Variants in ZNF821 observed in about 807,000 individuals in gnomAD.
The protein encoded by ZNF821 is zinc finger protein 821.
A neutral mutation model predicts 44.3 loss-of-function variants in ZNF821; 16 were observed. That is an observed-to-expected ratio of 0.36 (90% CI 0.24 to 0.55). ZNF821 has a LOEUF of 0.55. Ranked by LOEUF, ZNF821 falls within the 20% of genes least tolerant of loss-of-function variation. ZNF821 has a pLI of 0.86. For synonymous variants in ZNF821, 204 were observed against 197.6 expected (o/e 1.03, Z -0.27); for missense variants, 436 against 547.6 (o/e 0.80, Z 2.03).
At chr16:71,862,823 G>A (rs943368411) in intron 6 of ZNF821, among the ~76,000 whole-genome samples, 1 of 152,052 alleles carries the variant, frequency 6.6e-6, no homozygotes, top group Non-Finnish European at 1.5e-5. Flanking sequence ...ATTGGATCAT[G>A]GTAAAAAGAA....
intron 3 of ZNF821, among the ~76,000 whole-genome samples, chr16:71,874,538 T>C (rs3794691): frequency 0.14 from 20,884 of 151,880 alleles, 1,760 homozygotes; most frequent in South Asian, 0.38. Context: ...ACTGCAACCT[T>C]TGCCTCCTGG....
intron 1 of ZNF821, among the ~76,000 whole-genome samples, chr16:71,892,303 G>A (rs1247559632): frequency 6.8e-6 from 1 of 146,324 alleles, no homozygotes; most frequent in East Asian, 2.1e-4. Context: ...GTCTCCCTCT[G>A]TCACCCAGGC....
In ZNF821 at chr16:71,860,449, G is replaced by A. The variant is rs1567398952; in HGVS notation, c.808C>T (p.Arg270Trp). 6 of 1,613,836 alleles carry A rather than the reference G, an allele frequency of 3.7e-6. No homozygotes were observed. The highest frequency in any genetic ancestry group is 5.1e-6 in the Non-Finnish European group (6 of 1,180,048). Residue 270 changes from arginine (R) to tryptophan (W), a missense_variant, in exon 8 of 8, where the codon CGG becomes TGG. Arg to Trp is a moderately radical substitution (Grantham distance 101). Coordinates refer to ENST00000425432, the MANE Select transcript of ZNF821 (RefSeq NM_001201552.2). The surrounding 1 kb of genome is among the most constrained non-coding windows in gnomAD (Gnocchi z 7.3). The part of the protein sequence containing the change: ...LRRQNEPLEV[R>W]LQRLERERTA... ...CGCTCTCGTTCCAGCCGCTGCAGCC[G>A]TACTTCCAAAGGCTCATTCTGTCGA... is the stretch of plus-strand genomic sequence containing the variant.
At position 71,895,091 on chromosome 16, in the gene ZNF821, G is replaced by C. The variant is rs955875829; in HGVS notation, n.246C>G. On this transcript the variant is annotated non_coding_transcript_exon_variant, in exon 1 of 3. Coordinates refer to the ZNF821 transcript ENST00000561700. ...CGCAGGCTTCGAAACCCCCTCGGCC[G>C]CTCCACCCAGGGGGAAAGTCCAGCG... The C allele has an allele frequency of 7.0e-5, 27 of 386,892 alleles. No homozygotes were observed. The Admixed American group carries it at 1.1e-3, about 16-fold the overall frequency. The allele number at this position is 386,892 out of a possible 1,614,324, so 24.0% of individuals were successfully genotyped here.
intron 3 of ZNF821, among the ~76,000 whole-genome samples, chr16:71,878,686 T>C (rs903747117): frequency 6.6e-6 from 1 of 152,010 alleles, no homozygotes; most frequent in Non-Finnish European, 1.5e-5. Flanking sequence ...TCCCAGCACT[T>C]TGGGAGCCCG....
At chr16:71,894,462 T>C (rs2036925177) in intron 1 of ZNF821, 1 of 181,456 alleles carries the variant, frequency 5.5e-6, no homozygotes, top group Admixed American at 6.1e-5. Flanking sequence ...GCCAGGCTGG[T>C]CTCGAATTAC....
chr16:71,868,086 C>G (rs1416160896), intron 3 of ZNF821, 49 bp from the exon 4 acceptor site: 7 of 1,516,732 alleles, frequency 4.6e-6, no homozygotes, highest in Non-Finnish European at 5.3e-6. Context: ...GGCAGCATAT[C>G]CCCAGGCAAG....
chr16:71,873,858 G>A (rs2035498286), intron 3 of ZNF821, among the ~76,000 whole-genome samples: 1 of 151,636 alleles, frequency 6.6e-6, no homozygotes, highest in Non-Finnish European at 1.5e-5. Flanking sequence ...CCACTATGTT[G>A]CCCAAGCTGG....
chr16:71,895,091 G>A (rs955875829), exon 1 of ZNF821: 2 of 387,004 alleles, frequency 5.2e-6, no homozygotes, highest in Non-Finnish European at 4.8e-6. Flanking sequence ...CCCCTCGGCC[G>A]CTCCACCCAG....
intron 4 of ZNF821, 40 bp from the exon 5 acceptor site, chr16:71,865,088 T>A: frequency 6.2e-7 from 1 of 1,613,728 alleles, no homozygotes; most frequent in Non-Finnish European, 8.5e-7. Flanking sequence ...GATTTTTGCA[T>A]GAATACATCC....
intron 3 of ZNF821, among the ~76,000 whole-genome samples, chr16:71,869,375 T>C (rs1250457033): frequency 6.6e-6 from 1 of 152,188 alleles, no homozygotes; most frequent in Non-Finnish European, 1.5e-5. Context: ...AAAGACTTGA[T>C]GTGGAGTAGG....
upstream of ZNF821, among the ~76,000 whole-genome samples, chr16:71,888,391 GT>G (rs574899188): frequency 1.6e-4 from 25 of 151,808 alleles, no homozygotes; most frequent in African/African-American, 6.0e-4. Context: ...TCTCTTAGGA[GT>G]TTTTTAGCTC....
intron 2 of ZNF821, chr16:71,881,535 T>G (rs2036423173): frequency 6.6e-6 from 1 of 152,256 alleles, no homozygotes; most frequent in African/African-American, 2.4e-5. Flanking sequence ...TAGTGTATGT[T>G]CTCTAAGTTT....
intron 1 of ZNF821, chr16:71,894,739 G>T: frequency 1.5e-6 from 1 of 662,496 alleles, no homozygotes; most frequent in Non-Finnish European, 2.5e-6. Flanking sequence ...TTTCACTATG[G>T]TGTCCAGGCT....
At position 71,867,785 on chromosome 16, in the gene ZNF821, C is replaced by A. The variant is rs375414497; in HGVS notation, c.166+127G>T. 2.5e-5 allele frequency: 33 copies of A among 1,308,142 alleles called. 1 individual carries two copies. The African/African-American group carries it at 4.1e-4, about 16-fold the overall frequency. 81.0% of individuals were successfully genotyped at this position (1,308,142 alleles called of 1,614,324 possible). A position where few individuals can be genotyped will look rare whatever the true frequency, so the allele number is the denominator to read the frequency against. On this transcript the variant is annotated intron_variant, in intron 4 of 7. Transcript: ENST00000425432. ...ACACCTTAGACCACCTTTGGGGACA[C>A]TGAGGATCCACATATCTCCTTTTTC...
At chr16:71,892,896 ATTTT>A (rs1188436994) in intron 1 of ZNF821, among the ~76,000 whole-genome samples, 1 of 150,660 alleles carries the variant, frequency 6.6e-6, no homozygotes, top group Non-Finnish European at 1.5e-5. Context: ...TGCCCTGCTA[ATTTT>A]TTATATTTTT....
chr16:71,884,007 C>G lies in ZNF821; in HGVS notation c.-240G>C, dbSNP rs1047968724. On this transcript the variant is annotated 5_prime_UTR_variant, in exon 1 of 8. Coordinates refer to ENST00000425432, the MANE Select transcript of ZNF821 (RefSeq NM_001201552.2). ...ACCCGGGACCGCAGCCCAAGCCAGCCGGGCCGGGGCGCTCCGGGACTGGGC... is the reference window on the plus strand; with the variant it reads ...ACCCGGGACCGCAGCCCAAGCCAGCGGGGCCGGGGCGCTCCGGGACTGGGC... 3 of 152,070 alleles carry G rather than the reference C, an allele frequency of 2.0e-5. No homozygotes were observed. Among genetic ancestry groups the G allele is most frequent in the Non-Finnish European group, 4.4e-5 (3 of 67,998 alleles). The allele number at this position is 152,070 out of a possible 1,614,324, so 9.4% of individuals were successfully genotyped here. A position where few individuals can be genotyped will look rare whatever the true frequency, so the allele number is the denominator to read the frequency against.
rs1209189494 is a variant in ZNF821 at position 71,860,104 on chromosome 16, GGAA to G, written c.1150_1152del (p.Phe384del). On this transcript the variant is annotated inframe_deletion, in exon 8 of 8. Coordinates refer to ENST00000425432, the MANE Select transcript of ZNF821 (RefSeq NM_001201552.2). This position sits in a 1 kb window ranked among gnomAD's most constrained non-coding sequence, Gnocchi z 7.3. ...AACTCCACCCCACTTACAGGCAGCTGGAAGAAGTTCATTTCAGCTGCTAAGGCT... is the reference window on the plus strand; with the variant it reads ...AACTCCACCCCACTTACAGGCAGCTGGAAGTTCATTTCAGCTGCTAAGGCT... 6.2e-7 allele frequency: 1 copy of G among 1,614,238 alleles called. No individual in the cohort carries two copies. The highest frequency in any genetic ancestry group is 8.5e-7 in the Non-Finnish European group (1 of 1,180,046).
chr16:71,883,185 T>C (rs1460257670), intron 2 of ZNF821, 26 bp downstream of exon 2: 1 of 456,442 alleles, frequency 2.2e-6, no homozygotes, highest in Non-Finnish European at 4.4e-6. Flanking sequence ...AAATCTCAGC[T>C]TGATGAAAAG....
Sources: gnomAD v4.1 joint callset for allele counts (sites outside exome capture counted in the v4.1 genomes callset) on GRCh38, gnomAD v4.1.1 for gene constraint, Gnocchi (gnomAD v3.1) non-coding constraint, MANE v1.5 for transcripts, NCBI Gene and HGNC (gene_info 2026-07-23, HGNC 2026-07-21) for gene names.